The following SAMD5 variants were observed in gnomAD, a reference collection of about 807,000 sequenced individuals.
The protein encoded by SAMD5 is sterile alpha motif domain containing 5.
A neutral mutation model predicts 11.3 loss-of-function variants in SAMD5; 13 were observed. The observed-to-expected ratio is 1.15, with a 90% CI of 0.75 to 1.83. The LOEUF is 1.83. Among genes scored for constraint, SAMD5 ranks in the 40% most tolerant of loss-of-function variants. The pLI is 0.00. For synonymous variants in SAMD5, 129 were observed against 111.3 expected, an observed-to-expected ratio of 1.16 and a Z score of -1.00; for missense variants, 255 against 239.1, an observed-to-expected ratio of 1.07 and a Z score of -0.44.
At chr6:147,801,984 A>G in the SAMD5 span, among the ~76,000 whole-genome samples, 1 of 152,190 alleles carries the variant, frequency 6.6e-6, no homozygotes, top group Non-Finnish European at 1.5e-5. Context: ...AAAAGAGACT[A>G]TGTTCATGAC....
rs1006321548 is a variant in SAMD5, at chr6:147,666,087, C to A, written c.163-71230C>A. On this transcript the variant is annotated intron_variant, in intron 1 of 1. Transcript: ENST00000566741. Reference sequence around the variant, plus strand: ...CCGAGTAGCTGGGACTACAGGCGCCCGCCAACATGCCTGGCTAATGTTTGT... The same window carrying A: ...CCGAGTAGCTGGGACTACAGGCGCCAGCCAACATGCCTGGCTAATGTTTGT... Among the ~76,000 whole-genome samples, 3 of 152,140 alleles carry A rather than the reference C, an allele frequency of 2.0e-5. No individual in the cohort carries two copies. In the South Asian group the frequency reaches 6.2e-4, roughly 32 times the overall value.
At chr6:147,891,638 ATAT>A in the SAMD5 span, among the ~76,000 whole-genome samples, 1 of 152,206 alleles carries the variant, frequency 6.6e-6, no homozygotes, top group East Asian at 1.9e-4. Flanking sequence ...CAGACAGGTA[ATAT>A]TATAAAAAAT....
At chr6:147,647,993 T>C (rs1245466149) in intron 1 of SAMD5, among the ~76,000 whole-genome samples, 1 of 152,188 alleles carries the variant, frequency 6.6e-6, no homozygotes, top group Non-Finnish European at 1.5e-5. Flanking sequence ...TGAACCCAGG[T>C]CTGTAGGTCT....
chr6:147,822,945 G>C, the SAMD5 span, among the ~76,000 whole-genome samples: 1 of 152,008 alleles, frequency 6.6e-6, no homozygotes, highest in Non-Finnish European at 1.5e-5. Context: ...CTCCCCAGAA[G>C]CTGGGATTAC....
chr6:147,564,403 G>T lies in SAMD5; in HGVS notation c.469G>T (p.Ala157Ser). The change falls in exon 2 of 2, where the codon GCT becomes TCT. Residue 157 changes from alanine (A) to serine (S), a missense_variant. Ala to Ser is a moderately conservative substitution (Grantham distance 99). Coordinates refer to ENST00000367474, the MANE Select transcript of SAMD5 (RefSeq NM_001030060.3). ...ATGTTCAAATCCACAGGTCCCAATGGCTGGCATCCTAGAGTACTTAATGAA... is the reference window on the plus strand; with the variant it reads ...ATGTTCAAATCCACAGGTCCCAATGTCTGGCATCCTAGAGTACTTAATGAA... ...KPPYSRKVPMAGILEYLMNWP... is the reference protein window; with the variant it reads ...KPPYSRKVPMSGILEYLMNWP... 1 of 780,788 alleles carries T rather than the reference G, an allele frequency of 1.3e-6. No homozygotes were observed. Among genetic ancestry groups the T allele is most frequent in the South Asian group, 1.3e-5 (1 of 74,592 alleles). 48.4% of individuals were successfully genotyped at this position (780,788 alleles called of 1,614,324 possible).
At chr6:147,624,001 C>A (rs958478082) in intron 1 of SAMD5, among the ~76,000 whole-genome samples, 1 of 152,142 alleles carries the variant, frequency 6.6e-6, no homozygotes, top group Non-Finnish European at 1.5e-5. Flanking sequence ...TCCCAAGTAG[C>A]TGGGATTACA....
downstream of SAMD5, among the ~76,000 whole-genome samples, chr6:147,742,168 A>T (rs950780432): frequency 6.6e-6 from 1 of 152,194 alleles, no homozygotes; most frequent in African/African-American, 2.4e-5. Flanking sequence ...AAATTGTGGT[A>T]GTATTATGAA....
chr6:147,602,222 G>A (rs1789627650), intron 1 of SAMD5, among the ~76,000 whole-genome samples: 1 of 152,214 alleles, frequency 6.6e-6, no homozygotes, highest in Non-Finnish European at 1.5e-5. Context: ...GCTAAAGAAT[G>A]AAAGTGTGTC....
At chr6:147,590,730 C>G (rs1256439219) in intron 1 of SAMD5, among the ~76,000 whole-genome samples, 1 of 152,080 alleles carries the variant, frequency 6.6e-6, no homozygotes, top group Admixed American at 6.6e-5. Context: ...GTTTAATATA[C>G]CAAGACTAGA....
chr6:147,928,244 C>T, the SAMD5 span, among the ~76,000 whole-genome samples: 1 of 152,100 alleles, frequency 6.6e-6, no homozygotes, highest in East Asian at 1.9e-4. Flanking sequence ...GGTACCAGCG[C>T]TTCTTTGTAC....
intron 1 of SAMD5, among the ~76,000 whole-genome samples, chr6:147,609,859 G>A (rs1307785026): frequency 1.3e-5 from 2 of 152,092 alleles, no homozygotes; most frequent in African/African-American, 4.8e-5. Context: ...CCCGGCCAGA[G>A]AGAACATATT....
chr6:147,918,095 G>A, the SAMD5 span, among the ~76,000 whole-genome samples: 1 of 152,274 alleles, frequency 6.6e-6, no homozygotes, highest in South Asian at 2.1e-4. Context: ...ATTCTTTGAA[G>A]AAAGTCATTG....
Position 147,567,338 on chromosome 6 carries a change from A to G in SAMD5, c.*2882A>G. Reference sequence around the variant, plus strand: ...GAGATATTTATAGCATCTTGGTGTTATGCAATAAACAATGACAACAACAAG... The same window carrying G: ...GAGATATTTATAGCATCTTGGTGTTGTGCAATAAACAATGACAACAACAAG... On this transcript the variant is annotated 3_prime_UTR_variant, in exon 2 of 2. Transcript: ENST00000367474. The G allele has an allele frequency of 2.0e-6, 2 of 985,264 alleles. No homozygotes were observed. Among genetic ancestry groups the G allele is most frequent in the Non-Finnish European group, 2.4e-6 (2 of 829,768 alleles). 61.0% of individuals were successfully genotyped at this position (985,264 alleles called of 1,614,324 possible).
intron 1 of SAMD5, among the ~76,000 whole-genome samples, chr6:147,536,096 G>A (rs568381408): frequency 2.1e-4 from 32 of 151,566 alleles, no homozygotes; most frequent in African/African-American, 7.0e-4. Context: ...CCATTCTCCC[G>A]CCTCAGCCTC....
chr6:147,737,824 T>C (rs1791826888), downstream of SAMD5, among the ~76,000 whole-genome samples: 1 of 151,842 alleles, frequency 6.6e-6, no homozygotes, highest in African/African-American at 2.4e-5. Context: ...TTACAGTGTA[T>C]ATAAATGTAT....
intron 1 of SAMD5, among the ~76,000 whole-genome samples, chr6:147,691,664 A>G (rs73014024): frequency 0.11 from 17,332 of 152,154 alleles, 1,075 homozygotes; most frequent in Middle Eastern, 0.16. Context: ...GAAAGCCACC[A>G]AAGCAACTAT....
chr6:147,818,650 G>A, the SAMD5 span, among the ~76,000 whole-genome samples: 3 of 152,092 alleles, frequency 2.0e-5, no homozygotes, highest in African/African-American at 7.2e-5. Flanking sequence ...CTAATTGTAG[G>A]TGAGTTTTGT....
At chr6:147,906,725 A>G in the SAMD5 span, among the ~76,000 whole-genome samples, 1 of 152,206 alleles carries the variant, frequency 6.6e-6, no homozygotes, top group African/African-American at 2.4e-5. Flanking sequence ...CTACCTTAAG[A>G]ATAGATCAAA....
At chr6:147,597,590 A>G (rs1272814233) in intron 1 of SAMD5, among the ~76,000 whole-genome samples, 4 of 152,246 alleles carry the variant, frequency 2.6e-5, no homozygotes, top group Non-Finnish European at 5.9e-5. Context: ...GCAGTTGAAA[A>G]GAGAAGAGTC....
Sources: allele counts gnomAD v4.1 joint callset (sites outside exome capture counted in the v4.1 genomes callset), GRCh38; gene constraint gnomAD v4.1.1; transcripts MANE v1.5; gene names NCBI Gene and HGNC (gene_info 2026-07-23, HGNC 2026-07-21).